The following FNIP2 variants were observed in gnomAD, a reference collection of about 807,000 sequenced individuals.
FNIP2 encodes the protein folliculin interacting protein 2, also known as folliculin-interacting protein 2.
In FNIP2, 32 loss-of-function variants were observed where a neutral mutation model predicts 108.7. The observed-to-expected ratio is 0.29, with a 90% CI of 0.22 to 0.40. The LOEUF (loss-of-function observed/expected upper bound fraction) is 0.40, where lower values mean the gene tolerates loss of function less well. FNIP2 is among the 10% of genes least tolerant of loss of function. The probability of loss-of-function intolerance (pLI) is 1.00; values close to 1 mark genes in which losing one functional copy is unlikely to be tolerated. For missense variants in FNIP2, 1,202 were observed against 1,381.6 expected (o/e 0.87, Z 2.06); for synonymous variants, 480 against 496.7 (o/e 0.97, Z 0.45).
At chr4:158,848,718 T>C (rs532952339) in intron 7 of FNIP2, among the ~76,000 whole-genome samples, 2 of 152,212 alleles carry the variant, frequency 1.3e-5, no homozygotes, top group East Asian at 3.9e-4. Context: ...AAACTCAAAA[T>C]TCAAGAGAAC....
At chr4:158,796,605 G>A (rs1329439046) in intron 1 of FNIP2, among the ~76,000 whole-genome samples, 2 of 152,120 alleles carry the variant, frequency 1.3e-5, no homozygotes, top group South Asian at 4.1e-4. Flanking sequence ...TAAATACAGT[G>A]CAATCATCTA....
chr4:158,860,492 T>G (rs1174342562), intron 10 of FNIP2, among the ~76,000 whole-genome samples: 1 of 152,080 alleles, frequency 6.6e-6, no homozygotes, highest in Non-Finnish European at 1.5e-5. Flanking sequence ...TGCTAAGACT[T>G]AAGTCATATA....
At chr4:158,878,874 A>T (rs1182710318) in intron 14 of FNIP2, among the ~76,000 whole-genome samples, 6 of 134,794 alleles carry the variant, frequency 4.5e-5, no homozygotes, top group Admixed American at 7.4e-5. Context: ...TAAGAACTAA[A>T]AACAACTTCT....
intron 13 of FNIP2, among the ~76,000 whole-genome samples, chr4:158,869,689 G>A (rs1780820276): frequency 6.6e-6 from 1 of 152,182 alleles, no homozygotes; most frequent in Non-Finnish European, 1.5e-5. Flanking sequence ...GTGATCCTTT[G>A]GGGAAGCCTA....
chr4:158,894,614 A>C (rs537441740), intron 15 of FNIP2, among the ~76,000 whole-genome samples: 1 of 152,306 alleles, frequency 6.6e-6, no homozygotes, highest in Non-Finnish European at 1.5e-5. Context: ...GGTTCAATGT[A>C]ATATGAATAT....
chr4:158,790,903 T>C (rs1776392560), intron 1 of FNIP2, among the ~76,000 whole-genome samples: 1 of 152,180 alleles, frequency 6.6e-6, no homozygotes, highest in Non-Finnish European at 1.5e-5. Context: ...GAGAGTTAGA[T>C]GCTAAATACA....
In FNIP2 at chr4:158,904,510, C is replaced by G; in HGVS notation, c.3311C>G (p.Thr1104Ser). 1 of 1,613,322 alleles carries G rather than the reference C, an allele frequency of 6.2e-7. No individual in the cohort carries two copies. The change falls in exon 17 of 17, where the codon ACT (threonine) becomes AGT (serine). Residue 1104 changes from threonine to serine, a missense_variant. By Grantham distance (58) the Thr-to-Ser change is moderately conservative. This residue lies in a region of FNIP2 where 142 missense variants were observed against 183.8 expected (regional missense o/e 0.77). Coordinates refer to ENST00000264433, the MANE Select transcript of FNIP2 (RefSeq NM_020840.3). Reference sequence around the variant, plus strand: ...CCTCTGTTGACTGCTATTGCCAGTACTCATTCTCCTTATGTGGCTCAAATA... The same window carrying G: ...CCTCTGTTGACTGCTATTGCCAGTAGTCATTCTCCTTATGTGGCTCAAATA... The part of the protein sequence containing the change: ...DLPLLTAIAS[T>S]HSPYVAQILL
rs566014214 is a variant in FNIP2 at position 158,791,586 on chromosome 4, C to G, written c.107+22267C>G. Among the ~76,000 whole-genome samples the G allele has an allele frequency of 1.6e-3, 250 of 152,246 alleles. 1 individual carries two copies. The highest frequency in any genetic ancestry group is 5.7e-3 in the African/African-American group (238 of 41,550). ...CATGAGCCACTGCACCCAGCCTGCA[C>G]TGAGAATCCTAAGAGAATTTTCATG... On this transcript the variant is annotated intron_variant, in intron 1 of 16. Transcript: ENST00000264433.
intron 14 of FNIP2, chr4:158,889,850 C>T (rs562661878): frequency 2.6e-4 from 259 of 983,926 alleles, no homozygotes; most frequent in Non-Finnish European, 2.8e-4. Flanking sequence ...GATGGCAAGT[C>T]GTCATCATCT....
At chr4:158,869,859 G>A (rs955797899) in intron 13 of FNIP2, among the ~76,000 whole-genome samples, 5 of 152,244 alleles carry the variant, frequency 3.3e-5, no homozygotes, top group Non-Finnish European at 5.9e-5. Context: ...AGGTGGTTGG[G>A]AAACAACACC....
intron 12 of FNIP2, among the ~76,000 whole-genome samples, chr4:158,864,744 C>T (rs1476626026): frequency 6.6e-6 from 1 of 150,484 alleles, no homozygotes; most frequent in Non-Finnish European, 1.5e-5. Flanking sequence ...CCTTTCTTCT[C>T]CCTCTTCCTC....
chr4:158,838,558 A>G (rs1373598571), intron 7 of FNIP2, among the ~76,000 whole-genome samples: 1 of 152,196 alleles, frequency 6.6e-6, no homozygotes, highest in Non-Finnish European at 1.5e-5. Context: ...CAAATAGTTG[A>G]TAAATGGGGA....
intron 1 of FNIP2, chr4:158,806,052 TTA>T: frequency 1.1e-6 from 1 of 914,080 alleles, no homozygotes; most frequent in Non-Finnish European, 1.3e-6. Context: ...TTTTTTTTTT[TTA>T]AACCTTTGAA....
rs1442998971 is a variant in FNIP2 at position 158,905,799 on chromosome 4, C to CTT, written c.*1258_*1259dup. ...CTGACATCCAGGGTAAAGTAAAAGA[C>CTT]TTTTAAATATTGGTCATTAAAGGAC... On this transcript the variant is annotated 3_prime_UTR_variant, in exon 17 of 17. Coordinates refer to ENST00000264433, the MANE Select transcript of FNIP2 (RefSeq NM_020840.3). The CTT allele has an allele frequency of 6.6e-6, 1 of 151,508 alleles. No homozygotes were observed. The highest frequency in any genetic ancestry group is 1.5e-5 in the Non-Finnish European group (1 of 67,954). The allele number at this position is 151,508 out of a possible 1,614,324, so 9.4% of individuals were successfully genotyped here.
chr4:158,780,797 C>T (rs2126420683), intron 1 of FNIP2, among the ~76,000 whole-genome samples: 1 of 152,298 alleles, frequency 6.6e-6, no homozygotes, highest in Admixed American at 6.5e-5. Context: ...CTCTGGGAGG[C>T]TGAGGCAGGC....
intron 14 of FNIP2, among the ~76,000 whole-genome samples, chr4:158,874,103 GT>G (rs1214276940): frequency 1.3e-5 from 2 of 152,216 alleles, no homozygotes; most frequent in African/African-American, 4.8e-5. Context: ...CCACTCGTTT[GT>G]TGATAATCTT....
At chr4:158,863,468 C>G (rs1260898483) in intron 12 of FNIP2, among the ~76,000 whole-genome samples, 2 of 152,158 alleles carry the variant, frequency 1.3e-5, no homozygotes, top group African/African-American at 4.8e-5. Flanking sequence ...TGCGTTCCCC[C>G]TCCATGGCTG....
intron 1 of FNIP2, chr4:158,808,484 C>T (rs925709621): frequency 1.3e-5 from 2 of 151,864 alleles, no homozygotes; most frequent in Non-Finnish European, 2.9e-5. Context: ...AATTGGAATT[C>T]ATCTCTAGTC....
chr4:158,849,071 T>C (rs1445772242), intron 7 of FNIP2, among the ~76,000 whole-genome samples: 1 of 152,190 alleles, frequency 6.6e-6, no homozygotes, highest in Non-Finnish European at 1.5e-5. Context: ...CTGTCAGGTA[T>C]AGGACTGGAC....
Sources: gnomAD v4.1 joint callset for allele counts (sites outside exome capture counted in the v4.1 genomes callset) on GRCh38, gnomAD v4.1.1 for gene constraint, gnomAD v4.1.1 regional missense constraint, MANE v1.5 for transcripts, NCBI Gene and HGNC (gene_info 2026-07-23, HGNC 2026-07-21) for gene names.